Variants in DCC observed in about 807,000 individuals in gnomAD.
The protein encoded by DCC is netrin receptor DCC.
Under a neutral mutation model 172.5 loss-of-function variants are expected in DCC, and 58 were observed. The observed-to-expected ratio is 0.34, with a 90% CI of 0.27 to 0.42. The LOEUF (loss-of-function observed/expected upper bound fraction) is 0.42, where lower values mean the gene tolerates loss of function less well. Among genes scored for constraint, DCC ranks in the 10% least tolerant of loss-of-function variants. The pLI, the probability that DCC is intolerant of heterozygous loss-of-function variation, is 1.00. For synonymous variants in DCC, 709 were observed against 644.5 expected (o/e 1.10, Z -1.52); for missense variants, 1,740 against 1,791.0 (o/e 0.97, Z 0.51).
intron 1 of DCC, among the ~76,000 whole-genome samples, chr18:52,513,237 C>T (rs1054275649): frequency 2.6e-5 from 4 of 152,154 alleles, no homozygotes; most frequent in African/African-American, 9.7e-5. Context: ...AATACAAACA[C>T]CTTACATTTA....
intron 15 of DCC, among the ~76,000 whole-genome samples, chr18:53,358,144 C>G (rs143600311): frequency 6.6e-6 from 1 of 152,052 alleles, no homozygotes; most frequent in African/African-American, 2.4e-5. Context: ...CTAATGAATC[C>G]AAAGAAAAAT....
chr18:53,147,110 A>T (rs1223181760), intron 7 of DCC, among the ~76,000 whole-genome samples: 1 of 152,128 alleles, frequency 6.6e-6, no homozygotes, highest in African/African-American at 2.4e-5. Context: ...GTCCTACTTT[A>T]TAGATTTAAG....
At chr18:53,453,329 A>G (rs954065373) in intron 23 of DCC, among the ~76,000 whole-genome samples, 8 of 152,242 alleles carry the variant, frequency 5.3e-5, no homozygotes, top group Admixed American at 3.3e-4. Flanking sequence ...ATCAATTCCA[A>G]TCTGAAACAG....
At position 52,413,686 on chromosome 18, in the gene DCC, T is replaced by A. The variant is rs191788974; in HGVS notation, c.91+72808T>A. On this transcript the variant is annotated intron_variant, in intron 1 of 28. Transcript: ENST00000442544. ...ACCTTTATCTCTATGAGGTTTTTAA[T>A]CCTTTTCAAAGGGGAAAAACAAGCA... Among the ~76,000 whole-genome samples, 356 of 152,264 alleles carry A rather than the reference T, an allele frequency of 2.3e-3. 5 individuals are homozygous for A. Among genetic ancestry groups the A allele is most frequent in the South Asian group, 0.018 (86 of 4,830 alleles).
At chr18:52,402,891 C>T (rs1388508992) in intron 1 of DCC, among the ~76,000 whole-genome samples, 1 of 151,988 alleles carries the variant, frequency 6.6e-6, no homozygotes, top group Non-Finnish European at 1.5e-5. Context: ...GAACGAGGCA[C>T]TAATTAATTG....
At chr18:53,140,485 A>C (rs1019943075) in intron 7 of DCC, among the ~76,000 whole-genome samples, 1 of 152,310 alleles carries the variant, frequency 6.6e-6, no homozygotes, top group Middle Eastern at 3.4e-3. Flanking sequence ...TATGCCCCCA[A>C]ATATAATAGA....
intron 1 of DCC, among the ~76,000 whole-genome samples, chr18:52,436,968 T>G (rs1987816774): frequency 6.6e-6 from 1 of 152,140 alleles, no homozygotes; most frequent in African/African-American, 2.4e-5. Flanking sequence ...AGATAATTAT[T>G]AAATTTCCCA....
At chr18:53,052,060 A>C (rs1252619063) in intron 5 of DCC, among the ~76,000 whole-genome samples, 1 of 150,756 alleles carries the variant, frequency 6.6e-6, no homozygotes, top group African/African-American at 2.4e-5. Flanking sequence ...ATTTACATTC[A>C]CTCTGATGAT....
At chr18:52,346,351 C>T (rs983730153) in intron 1 of DCC, among the ~76,000 whole-genome samples, 1 of 152,110 alleles carries the variant, frequency 6.6e-6, no homozygotes, top group Non-Finnish European at 1.5e-5. Context: ...AATGTTAATT[C>T]CTTATCTTAT....
At chr18:53,302,937 T>C (rs921790480) in intron 12 of DCC, among the ~76,000 whole-genome samples, 2 of 152,228 alleles carry the variant, frequency 1.3e-5, no homozygotes, top group African/African-American at 2.4e-5. Flanking sequence ...CAATGTGCCT[T>C]GAAATGGATC....
At chr18:53,368,973 A>T (rs2058032827) in intron 15 of DCC, among the ~76,000 whole-genome samples, 1 of 152,124 alleles carries the variant, frequency 6.6e-6, no homozygotes, top group East Asian at 1.9e-4. Context: ...TTCTAAAAAA[A>T]ATCACTAGAA....
chr18:52,741,904 A>G lies in DCC; in HGVS notation c.92-10150A>G, dbSNP rs1021658293. On this transcript the variant is annotated intron_variant, in intron 1 of 28. Coordinates refer to ENST00000442544, the MANE Select transcript of DCC (RefSeq NM_005215.4). ...TTCATGTATCAAAATCCTAACCTCCAATGTTATAGTATTAAGAGGTGGGAC... is the reference window on the plus strand; with the variant it reads ...TTCATGTATCAAAATCCTAACCTCCGATGTTATAGTATTAAGAGGTGGGAC... Among the ~76,000 whole-genome samples the G allele has an allele frequency of 2.6e-5, 4 of 152,122 alleles. 1 individual carries two copies. The South Asian group carries it at 8.3e-4, about 31-fold the overall frequency.
intron 1 of DCC, among the ~76,000 whole-genome samples, chr18:52,549,945 C>T (rs1286434943): frequency 6.6e-6 from 1 of 151,824 alleles, no homozygotes. Context: ...TCTGCACTTC[C>T]TCAGTGTAGT....
At chr18:52,875,131 T>C (rs1455598038) in intron 2 of DCC, among the ~76,000 whole-genome samples, 1 of 152,118 alleles carries the variant, frequency 6.6e-6, no homozygotes, top group Non-Finnish European at 1.5e-5. Flanking sequence ...TCTCTGGAGT[T>C]GACTAGCTCA....
chr18:52,901,902 A>G (rs2039814830), intron 2 of DCC, among the ~76,000 whole-genome samples: 1 of 152,216 alleles, frequency 6.6e-6, no homozygotes, highest in Non-Finnish European at 1.5e-5. Flanking sequence ...TTTTATTTAT[A>G]CACTTAACTT....
chr18:52,512,611 C>T (rs549641111), intron 1 of DCC, among the ~76,000 whole-genome samples: 8 of 152,178 alleles, frequency 5.3e-5, no homozygotes, highest in African/African-American at 1.9e-4. Context: ...CTACTATGTG[C>T]CAGATAAAAA....
In DCC at chr18:52,424,269, C is replaced by T. The variant is rs147016087; in HGVS notation, c.91+83391C>T. Among the ~76,000 whole-genome samples, 654 of 152,226 alleles carry T rather than the reference C, an allele frequency of 4.3e-3. 2 individuals carry two copies. Among genetic ancestry groups the T allele is most frequent in the Non-Finnish European group, 7.5e-3 (513 of 68,010 alleles). On this transcript the variant is annotated intron_variant, in intron 1 of 28. Transcript: ENST00000442544. ...CTGCTTAATTTCCACAATCACCGTT[C>T]GTGCTGGGAGCTATTAGTACCAGTT...
chr18:52,436,735 C>T (rs1987808219), intron 1 of DCC, among the ~76,000 whole-genome samples: 1 of 152,078 alleles, frequency 6.6e-6, no homozygotes, highest in Non-Finnish European at 1.5e-5. Flanking sequence ...GGCAAAACCC[C>T]ATCTCTACTA....
intron 2 of DCC, among the ~76,000 whole-genome samples, chr18:52,802,643 CTTTTTT>C (rs776080029): frequency 7.9e-5 from 3 of 38,202 alleles, no homozygotes; most frequent in African/African-American, 1.8e-4. Context: ...CACGCCAAGC[CTTTTTT>C]TTTTTTTTTT....
Sources: gnomAD v4.1 joint callset for allele counts (sites outside exome capture counted in the v4.1 genomes callset) on GRCh38, gnomAD v4.1.1 for gene constraint, MANE v1.5 for transcripts, NCBI Gene and HGNC (gene_info 2026-07-23, HGNC 2026-07-21) for gene names.